The following ARFGEF2 variants were observed in gnomAD, a reference collection of about 807,000 sequenced individuals.
ARFGEF2 encodes the protein brefeldin A-inhibited guanine nucleotide-exchange protein 2.
ARFGEF2 carries 74 observed loss-of-function variants against 219.9 expected under a neutral mutation model. That is an observed-to-expected ratio of 0.34 (90% CI 0.28 to 0.41). The LOEUF (loss-of-function observed/expected upper bound fraction) is 0.41. ARFGEF2 is among the 10% of genes least tolerant of loss of function. The probability of loss-of-function intolerance (pLI) is 1.00; values close to 1 mark genes in which losing one functional copy is unlikely to be tolerated. For missense variants in ARFGEF2, 1,743 were observed against 2,218.3 expected (o/e 0.79, Z 4.30); for synonymous variants, 733 against 799.2 (o/e 0.92, Z 1.40).
At chr20:48,990,414 G>A (rs898951799) in intron 20 of ARFGEF2, among the ~76,000 whole-genome samples, 2 of 152,200 alleles carry the variant, frequency 1.3e-5, no homozygotes, top group African/African-American at 2.4e-5. Context: ...AAAAGTTCAA[G>A]CAAATAAATG....
chr20:48,926,518 G>A (rs774880745), intron 1 of ARFGEF2, among the ~76,000 whole-genome samples: 2 of 151,954 alleles, frequency 1.3e-5, no homozygotes, highest in Admixed American at 6.6e-5. Context: ...CAGTGGTGGG[G>A]TGCGATCTCA....
intron 3 of ARFGEF2, 111 bp from the exon 4 acceptor site, chr20:48,951,212 G>A: frequency 7.4e-7 from 1 of 1,346,300 alleles, no homozygotes; most frequent in South Asian, 1.2e-5. Flanking sequence ...CTGGGGAGCA[G>A]AGGACTCTGT....
Position 49,013,872 on chromosome 20 carries a change from A to G in ARFGEF2, c.4091A>G (p.His1364Arg), listed in dbSNP as rs1419695432. ...TTTGAGATCATGAAGAGCTATGGCC[A>G]CACCTTTGAAAAGCACTGGTGGCAG... ...VMFEIMKSYGHTFEKHWWQDL... is the reference protein window; with the variant it reads ...VMFEIMKSYGRTFEKHWWQDL... Residue 1364 changes from histidine to arginine, a missense_variant, in exon 30 of 39, where the codon CAC becomes CGC. Around this residue, in one of 5 missense-constraint regions of ARFGEF2, gnomAD observed 578 missense variants for 664.0 expected, o/e 0.87. Coordinates refer to ENST00000371917, the MANE Select transcript of ARFGEF2 (RefSeq NM_006420.3). 1 of 1,614,128 alleles carries G rather than the reference A, an allele frequency of 6.2e-7. No individual in the cohort carries two copies. Among genetic ancestry groups the G allele is most frequent in the Non-Finnish European group, 8.5e-7 (1 of 1,180,018 alleles).
At chr20:49,026,211 A>G (rs1568745291) in intron 36 of ARFGEF2, among the ~76,000 whole-genome samples, 1 of 152,104 alleles carries the variant, frequency 6.6e-6, no homozygotes, top group Non-Finnish European at 1.5e-5. Flanking sequence ...GCATTGTAGC[A>G]CACACCATAC....
intron 31 of ARFGEF2, 46 bp downstream of exon 31, chr20:49,016,461 A>T (rs1371266876): frequency 6.3e-7 from 1 of 1,598,910 alleles, no homozygotes; most frequent in Admixed American, 1.7e-5. Flanking sequence ...ATAGTCTTTA[A>T]TGAGAGGTTA....
At chr20:48,961,912 C>G (rs1251263951) in intron 6 of ARFGEF2, among the ~76,000 whole-genome samples, 1 of 150,972 alleles carries the variant, frequency 6.6e-6, no homozygotes, top group African/African-American at 2.4e-5. Context: ...GGCGCAGTGG[C>G]TCATGCCTGT....
intron 36 of ARFGEF2, among the ~76,000 whole-genome samples, chr20:49,026,681 G>C (rs1449243746): frequency 6.6e-6 from 1 of 151,626 alleles, no homozygotes. Context: ...TACCTCCCGG[G>C]TTCAAGCAAT....
rs540623482 is a variant in ARFGEF2, at chr20:48,932,651, A to G, written c.122-8548A>G. ...ATGGGATCTACCCTGGAAAATGAGG[A>G]AAAAGGAAAGCCGAGAGGTTGGCCA... On this transcript the variant is annotated intron_variant, in intron 1 of 38. Coordinates refer to ENST00000371917, the MANE Select transcript of ARFGEF2 (RefSeq NM_006420.3). Among the ~76,000 whole-genome samples the G allele has an allele frequency of 2.0e-5, 3 of 152,254 alleles. No homozygotes were observed. In the Middle Eastern group the frequency reaches 0.01, roughly 518 times the overall value.
chr20:48,996,052 A>G (rs1161269989), intron 23 of ARFGEF2, among the ~76,000 whole-genome samples, 170 bp downstream of exon 23: 2 of 152,244 alleles, frequency 1.3e-5, no homozygotes, highest in African/African-American at 4.8e-5. Context: ...AAAAGGTATA[A>G]CTTTAACATT....
chr20:49,005,924 C>T (rs957459962), intron 26 of ARFGEF2, among the ~76,000 whole-genome samples: 12 of 151,906 alleles, frequency 7.9e-5, no homozygotes, highest in Admixed American at 4.6e-4. Context: ...GTGAAGCAGC[C>T]GTACTGTTCA....
chr20:48,987,462 A>G (rs919428446), intron 16 of ARFGEF2, among the ~76,000 whole-genome samples: 9 of 152,236 alleles, frequency 5.9e-5, no homozygotes, highest in African/African-American at 2.2e-4. Context: ...AATATTTTCC[A>G]TGGTATTTCT....
chr20:48,948,188 A>G lies in ARFGEF2; in HGVS notation c.277-3135A>G, dbSNP rs1000655654. Among the ~76,000 whole-genome samples the G allele has an allele frequency of 6.1e-4, 93 of 152,272 alleles. 1 individual carries two copies. The highest frequency in any genetic ancestry group is 3.4e-3 in the Middle Eastern group (1 of 294). ...CCTTGGGCCACCAGCCCCAAACCCAATTGCCTGTTTAGGTGTATACTTTTC... is the reference window on the plus strand; with the variant it reads ...CCTTGGGCCACCAGCCCCAAACCCAGTTGCCTGTTTAGGTGTATACTTTTC... On this transcript the variant is annotated intron_variant, in intron 3 of 38. Coordinates refer to ENST00000371917, the MANE Select transcript of ARFGEF2 (RefSeq NM_006420.3).
chr20:48,941,868 G>A lies in ARFGEF2; in HGVS notation c.157G>A (p.Gly53Ser). The A allele has an allele frequency of 6.2e-7, 1 of 1,614,168 alleles. No homozygotes were observed. Among genetic ancestry groups the A allele is most frequent in the Admixed American group, 1.7e-5 (1 of 60,020 alleles). ...IKAEIEKQRL[G>S]TAAPPKANFI... ...CCTCTCTTGCTTTTCTCCTAGGCTT[G>A]GCACTGCTGCACCACCAAAGGCAAA... Residue 53 changes from glycine to serine, a missense_variant, in exon 3 of 39, where the codon GGC becomes AGC. Transcript: ENST00000371917.
Position 48,953,651 on chromosome 20 carries a change from G to A in ARFGEF2, c.699G>A (p.Leu233=), listed in dbSNP as rs1451359812. 4.3e-6 allele frequency: 7 copies of A among 1,614,168 alleles called. No individual in the cohort carries two copies. Among genetic ancestry groups the A allele is most frequent in the African/African-American group, 4.0e-5 (3 of 75,042 alleles). Residue 233 remains leucine (L), a synonymous_variant, in exon 6 of 39, where the codon TTG becomes TTA. Transcript: ENST00000371917. ...AAAVSPKFVR[L]KHSQAQSKPT... The stretch of plus-strand genomic sequence containing the variant: ...CAGTATCCCCAAAGTTCGTTCGTTT[G>A]AAGCACAGTCAGGCACAAAGCAAAC...
intron 26 of ARFGEF2, 41 bp downstream of exon 26, chr20:49,005,262 GT>G: frequency 6.2e-7 from 1 of 1,612,564 alleles, no homozygotes; most frequent in African/African-American, 1.3e-5. Context: ...CAAATTCCCC[GT>G]TGGGGCTCCC....
intron 28 of ARFGEF2, among the ~76,000 whole-genome samples, chr20:49,012,418 T>C (rs2091505055): frequency 6.6e-6 from 1 of 152,252 alleles, no homozygotes; most frequent in African/African-American, 2.4e-5. Context: ...TTGTAGGAAA[T>C]GGCATTATGT....
intron 1 of ARFGEF2, among the ~76,000 whole-genome samples, chr20:48,939,908 G>A (rs2090983454): frequency 6.6e-6 from 1 of 152,158 alleles, no homozygotes; most frequent in East Asian, 1.9e-4. Context: ...CACTCTACTG[G>A]CTCTCTAGAG....
At chr20:48,981,251 G>T (rs1245163944) in intron 14 of ARFGEF2, among the ~76,000 whole-genome samples, 1 of 152,140 alleles carries the variant, frequency 6.6e-6, no homozygotes, top group Non-Finnish European at 1.5e-5. Flanking sequence ...GTTTAGTTTG[G>T]CTGGATATGA....
chr20:48,976,441 A>G (rs1193802800), intron 14 of ARFGEF2, among the ~76,000 whole-genome samples: 3 of 152,136 alleles, frequency 2.0e-5, no homozygotes, highest in East Asian at 3.9e-4. Context: ...CCCCTTTTCT[A>G]ATGAAAATAA....
Sources: gnomAD v4.1 joint callset for allele counts (sites outside exome capture counted in the v4.1 genomes callset) on GRCh38, gnomAD v4.1.1 for gene constraint, gnomAD v4.1.1 regional missense constraint, MANE v1.5 for transcripts, NCBI Gene and HGNC (gene_info 2026-07-23, HGNC 2026-07-21) for gene names.